Variants in EML2 observed in about 807,000 individuals in gnomAD.
EML2 encodes EMAP like 2, also known as echinoderm microtubule-associated protein-like 2.
Under a neutral mutation model 84.7 loss-of-function variants are expected in EML2, and 59 were observed. That is an observed-to-expected ratio of 0.70 (90% confidence interval 0.56 to 0.86). The LOEUF (loss-of-function observed/expected upper bound fraction) is 0.86, where lower values mean the gene tolerates loss of function less well. Ranked by LOEUF, EML2 falls within the 40% of genes least tolerant of loss-of-function variation. The probability of loss-of-function intolerance (pLI) is 0.00; values close to 1 mark genes in which losing one functional copy is unlikely to be tolerated. For synonymous variants in EML2, 352 were observed against 348.9 expected (o/e 1.01, Z -0.10); for missense variants, 818 against 855.6 (o/e 0.96, Z 0.55).
chr19:45,623,721 T>C (rs1437066196), intron 9 of EML2, among the ~76,000 whole-genome samples: 2 of 152,024 alleles, frequency 1.3e-5, no homozygotes, highest in East Asian at 3.9e-4. Flanking sequence ...AGGCTAATTT[T>C]TGTATTTTTA....
intron 7 of EML2, 115 bp from the exon 8 acceptor site, chr19:45,626,954 A>AATTTT: frequency 1.1e-6 from 1 of 884,240 alleles, no homozygotes; most frequent in South Asian, 3.1e-5. Flanking sequence ...GCACACCTGA[A>AATTTT]CTTTTCTTTT....
At chr19:45,613,746 C>A in intron 17 of EML2, 75 bp from the exon 18 acceptor site, 2 of 1,558,964 alleles carry the variant, frequency 1.3e-6, no homozygotes, top group South Asian at 1.2e-5. Flanking sequence ...GATTGCCACT[C>A]CAGCCACCTT....
chr19:45,627,310 C>T (rs546491545), intron 7 of EML2, among the ~76,000 whole-genome samples: 54 of 140,714 alleles, frequency 3.8e-4, no homozygotes, highest in African/African-American at 1.3e-3. Flanking sequence ...GGCTGGAGTG[C>T]GGTAGCACAA....
At chr19:45,641,540 C>G, upstream of EML2, 1 of 1,197,904 alleles carries the variant, frequency 8.3e-7, no homozygotes. Flanking sequence ...AACTAGCTGG[C>G]CCCACTCTAG....
chr19:45,614,461 T>C, intron 17 of EML2, 144 bp downstream of exon 17: 1 of 723,206 alleles, frequency 1.4e-6, no homozygotes, highest in South Asian at 1.6e-5. Context: ...CCCTACCCTT[T>C]CCTCTTACAC....
At chr19:45,619,352 G>A (rs998307410) in intron 11 of EML2, 161 bp from the exon 12 acceptor site, 38 of 895,182 alleles carry the variant, frequency 4.2e-5, no homozygotes, top group Non-Finnish European at 5.9e-5. Context: ...GCCTCAATTG[G>A]GCATCTGAAC....
At chr19:45,612,881 C>T (rs955663847) in intron 18 of EML2, among the ~76,000 whole-genome samples, 10 of 138,192 alleles carry the variant, frequency 7.2e-5, no homozygotes, top group Non-Finnish European at 1.1e-4. Context: ...GTAAAATTAA[C>T]GTCCAGCTTT....
intron 16 of EML2, 50 bp from the exon 17 acceptor site, chr19:45,614,750 T>G (rs376117039): frequency 7.3e-5 from 106 of 1,444,176 alleles, no homozygotes; most frequent in Non-Finnish European, 1.0e-4. Flanking sequence ...AACTACCCAG[T>G]AAACCCATCC....
At chr19:45,639,663 C>T (rs1974222010), upstream of EML2, among the ~76,000 whole-genome samples, 1 of 152,154 alleles carries the variant, frequency 6.6e-6, no homozygotes, top group African/African-American at 2.4e-5. Context: ...GGTCGTCCAA[C>T]CTCTGCCTCG....
intron 3 of EML2, among the ~76,000 whole-genome samples, chr19:45,635,140 C>T (rs377615569): frequency 3.9e-5 from 6 of 151,992 alleles, no homozygotes; most frequent in Non-Finnish European, 5.9e-5. Flanking sequence ...TGAGCCACCA[C>T]GCGCGGCCTG....
chr19:45,621,175 A>G, intron 11 of EML2, 32 bp downstream of exon 11: 2 of 1,609,106 alleles, frequency 1.2e-6, no homozygotes, highest in Non-Finnish European at 8.5e-7. Flanking sequence ...AGAGCTGGGA[A>G]GAGGGGAGGG....
rs772272121 is a variant in EML2 at position 45,624,823 on chromosome 19, G to A, written c.742-5C>T. On this transcript the variant is annotated splice_polypyrimidine_tract_variant and splice_region_variant and intron_variant, in intron 8 of 18. Transcript: ENST00000245925. ...ATACTTCGGTTTCTCATGTTTCTAAGGTGGGGGAGGAAAGGAAGGTGTCAG... is the reference window on the plus strand; with the variant it reads ...ATACTTCGGTTTCTCATGTTTCTAAAGTGGGGGAGGAAAGGAAGGTGTCAG... 6.2e-7 allele frequency: 1 copy of A among 1,605,914 alleles called. No homozygotes were observed. Among genetic ancestry groups the A allele is most frequent in the South Asian group, 1.1e-5 (1 of 90,106 alleles).
At chr19:45,617,203 G>C (rs761568240) in intron 13 of EML2, among the ~76,000 whole-genome samples, 40 of 149,768 alleles carry the variant, frequency 2.7e-4, no homozygotes, top group Admixed American at 6.7e-4. Flanking sequence ...CTGAGATCGC[G>C]CCACCGGACT....
At chr19:45,631,470 G>A (rs1277051454) in intron 6 of EML2, among the ~76,000 whole-genome samples, 2 of 151,804 alleles carry the variant, frequency 1.3e-5, no homozygotes, top group Non-Finnish European at 2.9e-5. Flanking sequence ...CTAGTGTGGA[G>A]TGCAGTGGTG....
intron 15 of EML2, chr19:45,616,164 T>A: frequency 1.8e-6 from 1 of 546,640 alleles, no homozygotes. Context: ...GGAGCTGGCT[T>A]TGAATGTTGA....
At chr19:45,638,660 G>T in intron 2 of EML2, 26 bp from the exon 3 acceptor site, 2 of 1,611,330 alleles carry the variant, frequency 1.2e-6, no homozygotes, top group South Asian at 2.2e-5. Context: ...CAGAGGTCAG[G>T]CACTGACACC....
chr19:45,621,711 C>T (rs1971738254), intron 9 of EML2, 74 bp from the exon 10 acceptor site: 1 of 1,468,930 alleles, frequency 6.8e-7, no homozygotes, highest in Non-Finnish European at 9.2e-7. Flanking sequence ...ATCTTGAACT[C>T]TCAAGCCTAT....
At position 45,626,777 on chromosome 19, in the gene EML2, G is replaced by A. The variant is rs758861676; in HGVS notation, c.669C>T (p.Thr223=). The A allele has an allele frequency of 4.6e-5, 75 of 1,613,816 alleles. No individual in the cohort carries two copies. In the South Asian group the frequency reaches 8.1e-4, roughly 17 times the overall value. Reference sequence around the variant, plus strand: ...AGAAGTAGATGTGAGATTTCCCGCAGGTGATAAGCACAGTGGGGTCCGTGG... The same window carrying A: ...AGAAGTAGATGTGAGATTTCCCGCAAGTGATAAGCACAGTGGGGTCCGTGG... ...FHPTDPTVLI[T]CGKSHIYFWT... is the part of the protein sequence containing the mutation. The change falls in exon 8 of 19, where the codon ACC becomes ACT. Residue 223 remains threonine (T), a synonymous_variant. Coordinates refer to ENST00000245925, the MANE Select transcript of EML2 (RefSeq NM_012155.4).
chr19:45,636,413 G>A (rs1218323006), intron 3 of EML2, among the ~76,000 whole-genome samples: 1 of 152,026 alleles, frequency 6.6e-6, no homozygotes, highest in Non-Finnish European at 1.5e-5. Context: ...AGATTGGGCT[G>A]TTTTTTTTGT....
Sources: gnomAD v4.1 joint callset for allele counts (sites outside exome capture counted in the v4.1 genomes callset) on GRCh38, gnomAD v4.1.1 for gene constraint, MANE v1.5 for transcripts, NCBI Gene and HGNC (gene_info 2026-07-23, HGNC 2026-07-21) for gene names.